Variants in SH3BGRL observed in about 807,000 individuals in gnomAD.
The protein encoded by SH3BGRL is adapter SH3BGRL.
Under a neutral mutation model 9.8 loss-of-function variants are expected in SH3BGRL, and 7 were observed. That is an observed-to-expected ratio of 0.72 (90% CI 0.41 to 1.35). The LOEUF (loss-of-function observed/expected upper bound fraction) is 1.35, where lower values mean the gene tolerates loss of function less well. SH3BGRL is among the 40% of genes most tolerant of loss of function. The probability of loss-of-function intolerance (pLI) is 0.01; values close to 1 mark genes in which losing one functional copy is unlikely to be tolerated. For missense variants in SH3BGRL, 73 were observed against 84.4 expected (o/e 0.86, Z 0.53); for synonymous variants, 36 against 29.1 (o/e 1.24, Z -0.76).
intron 1 of SH3BGRL, among the ~76,000 whole-genome samples, chrX:81,206,102 A>G (rs1308584736): frequency 9.0e-6 from 1 of 111,719 alleles, no homozygotes; most frequent in Non-Finnish European, 1.9e-5. Context: ...ACTTCCTTAT[A>G]TATTCCACAT....
At chrX:81,285,141 C>A (rs186855655) in intron 3 of SH3BGRL, among the ~76,000 whole-genome samples, 146 of 111,230 alleles carry the variant, frequency 1.3e-3, no homozygotes, top group Middle Eastern at 4.6e-3. Context: ...TACTTCAGCT[C>A]AATTTCTAGA....
intron 3 of SH3BGRL, among the ~76,000 whole-genome samples, chrX:81,280,106 C>A (rs903264250): frequency 1.8e-5 from 2 of 110,459 alleles, no homozygotes; most frequent in African/African-American, 6.6e-5. Flanking sequence ...CAGAGGAAGC[C>A]ATCCTAGGTA....
intron 1 of SH3BGRL, among the ~76,000 whole-genome samples, chrX:81,240,995 T>A (rs1308161969): frequency 8.9e-6 from 1 of 112,851 alleles, no homozygotes; most frequent in Non-Finnish European, 1.9e-5. Context: ...AACCCAGGCA[T>A]CCTTGCCCTC....
chrX:81,233,153 G>C (rs184063370), intron 1 of SH3BGRL, among the ~76,000 whole-genome samples: 1 of 111,590 alleles, frequency 9.0e-6, no homozygotes, highest in East Asian at 2.8e-4. Context: ...TTGATTGGGA[G>C]AACAAATAAT....
At chrX:81,272,311 G>A (rs2075783191) in intron 1 of SH3BGRL, among the ~76,000 whole-genome samples, 1 of 109,948 alleles carries the variant, frequency 9.1e-6, no homozygotes, top group African/African-American at 3.3e-5. Flanking sequence ...TACTGCACTC[G>A]CTTATTGCCA....
At chrX:81,274,313 A>C (rs1051594741) in intron 1 of SH3BGRL, among the ~76,000 whole-genome samples, 1 of 111,319 alleles carries the variant, frequency 9.0e-6, no homozygotes, top group Non-Finnish European at 1.9e-5. Context: ...CTATAGGTGT[A>C]TAAGAAAGAC....
chrX:81,226,379 A>C (rs1187988653), intron 1 of SH3BGRL, among the ~76,000 whole-genome samples: 1 of 108,016 alleles, frequency 9.3e-6, no homozygotes, highest in Non-Finnish European at 1.9e-5. Flanking sequence ...CATATATTTT[A>C]TGCCCTTTAC....
At chrX:81,253,084 C>A (rs747009544) in intron 1 of SH3BGRL, among the ~76,000 whole-genome samples, 3 of 112,029 alleles carry the variant, frequency 2.7e-5, no homozygotes, top group Non-Finnish European at 5.6e-5. Context: ...ATGCTTATGG[C>A]AAAAACATGT....
chrX:81,271,032 G>C (rs753818272), intron 1 of SH3BGRL, among the ~76,000 whole-genome samples: 3 of 112,330 alleles, frequency 2.7e-5, no homozygotes, highest in Non-Finnish European at 5.6e-5. Flanking sequence ...GCAAGGCTCC[G>C]TGGGCATGGG....
At chrX:81,207,556 C>T (rs778678003) in intron 1 of SH3BGRL, among the ~76,000 whole-genome samples, 145 of 112,264 alleles carry the variant, frequency 1.3e-3, no homozygotes, top group African/African-American at 4.4e-3. Context: ...TGTTTTGCTG[C>T]TCTGTCTGTA....
At chrX:81,235,200 A>G (rs938378329) in intron 1 of SH3BGRL, among the ~76,000 whole-genome samples, 1 of 110,594 alleles carries the variant, frequency 9.0e-6, no homozygotes, top group Non-Finnish European at 1.9e-5. Flanking sequence ...CAAAATTTTG[A>G]TAAATATTAT....
intron 2 of SH3BGRL, among the ~76,000 whole-genome samples, chrX:81,277,613 T>C (rs2075802481): frequency 8.9e-6 from 1 of 112,155 alleles, no homozygotes; most frequent in African/African-American, 3.2e-5. Context: ...TCTAGTCTAT[T>C]GTAGGCTCTG....
At chrX:81,255,659 C>T (rs1343684018) in intron 1 of SH3BGRL, 1 of 112,018 alleles carries the variant, frequency 8.9e-6, no homozygotes, top group Non-Finnish European at 1.9e-5. Flanking sequence ...TGTTAGATTG[C>T]GATTCTGTCA....
intron 1 of SH3BGRL, among the ~76,000 whole-genome samples, chrX:81,249,538 T>A: frequency 8.9e-6 from 1 of 112,500 alleles, no homozygotes; most frequent in Non-Finnish European, 1.9e-5. Context: ...ATCCCTTTTA[T>A]AATGTGAACC....
intron 1 of SH3BGRL, among the ~76,000 whole-genome samples, chrX:81,245,869 A>G (rs151070682): frequency 0.011 from 1,269 of 111,837 alleles, 19 homozygotes; most frequent in African/African-American, 0.039. Context: ...GTCAAATGTT[A>G]GTTTTGTTTT....
Position 81,284,403 on chromosome X carries a change from CA to C in SH3BGRL, c.312+6005del, listed in dbSNP as rs773439659. Reference sequence around the variant, plus strand: ...GATGGATTTAGGAGCCTCCCCCCACCAAAAAAAAAAAAAGTTACAGGATTTA... The same window carrying C: ...GATGGATTTAGGAGCCTCCCCCCACCAAAAAAAAAAAAGTTACAGGATTTA... On this transcript the variant is annotated intron_variant, in intron 3 of 3. Coordinates refer to ENST00000373212, the MANE Select transcript of SH3BGRL (RefSeq NM_003022.3). Among the ~76,000 whole-genome samples, 470 of 98,727 alleles carry C rather than the reference CA, an allele frequency of 4.8e-3. 1 individual carries two copies. The highest frequency in any genetic ancestry group is 0.011 in the African/African-American group (300 of 27,466). 85.7% of individuals were successfully genotyped at this position (98,727 alleles called of 115,157 possible).
chrX:81,265,022 T>C (rs773708106), intron 1 of SH3BGRL, among the ~76,000 whole-genome samples: 20 of 108,700 alleles, frequency 1.8e-4, no homozygotes, highest in African/African-American at 6.0e-4. Flanking sequence ...TTTTTTTTTT[T>C]TTTTTACTGT....
At chrX:81,239,877 T>C (rs1302630449) in intron 1 of SH3BGRL, among the ~76,000 whole-genome samples, 2 of 112,169 alleles carry the variant, frequency 1.8e-5, no homozygotes, top group Admixed American at 9.4e-5. Flanking sequence ...ATATTTAAAG[T>C]ACTGAAGGAG....
intron 1 of SH3BGRL, among the ~76,000 whole-genome samples, chrX:81,221,279 T>C (rs750110059): frequency 9.0e-6 from 1 of 111,657 alleles, no homozygotes; most frequent in South Asian, 3.7e-4. Context: ...ATTTTTGCCT[T>C]ATATATCTGG....
Sources: gnomAD v4.1 joint callset for allele counts (sites outside exome capture counted in the v4.1 genomes callset) on GRCh38, gnomAD v4.1.1 for gene constraint, MANE v1.5 for transcripts, NCBI Gene and HGNC (gene_info 2026-07-23, HGNC 2026-07-21) for gene names.